NCOA6: variants seen among roughly 807,000 people sequenced by gnomAD.
The protein encoded by NCOA6 is NRC RAP250.
NCOA6 carries 49 observed loss-of-function variants against 171.4 expected under a neutral mutation model. That is an observed-to-expected ratio of 0.29 (90% confidence interval 0.23 to 0.36). The LOEUF (loss-of-function observed/expected upper bound fraction) is 0.36, where lower values mean the gene tolerates loss of function less well. NCOA6 is among the 10% of genes least tolerant of loss of function. NCOA6 has a pLI of 1.00. For synonymous variants in NCOA6, 910 were observed against 927.5 expected (o/e 0.98, Z 0.34); for missense variants, 2,248 against 2,554.5 (o/e 0.88, Z 2.59).
At chr20:34,823,910 C>G (rs2079080433) in intron 1 of NCOA6, among the ~76,000 whole-genome samples, 2 of 152,132 alleles carry the variant, frequency 1.3e-5, no homozygotes, top group Non-Finnish European at 2.9e-5. Flanking sequence ...CTGCCAGCTC[C>G]TGGGCTCAAG....
chr20:34,814,484 T>C (rs1341435381), intron 1 of NCOA6, among the ~76,000 whole-genome samples: 1 of 152,162 alleles, frequency 6.6e-6, no homozygotes, highest in African/African-American at 2.4e-5. Flanking sequence ...CGTCAATATA[T>C]TGCCAAATGA....
chr20:34,724,851 C>T (rs1461685290), intron 14 of NCOA6, among the ~76,000 whole-genome samples: 1 of 151,146 alleles, frequency 6.6e-6, no homozygotes, highest in Non-Finnish European at 1.5e-5. Flanking sequence ...CACAATGACG[C>T]GATCTTGGCT....
At chr20:34,796,919 T>G (rs1224038743) in intron 1 of NCOA6, among the ~76,000 whole-genome samples, 1 of 152,170 alleles carries the variant, frequency 6.6e-6, no homozygotes, top group Non-Finnish European at 1.5e-5. Flanking sequence ...TTGAATAATG[T>G]TTTTCTTTTG....
At chr20:34,728,631 C>T (rs1045978277) in intron 13 of NCOA6, among the ~76,000 whole-genome samples, 1 of 152,172 alleles carries the variant, frequency 6.6e-6, no homozygotes, top group Non-Finnish European at 1.5e-5. Flanking sequence ...AATCCCACTT[C>T]TAGGTGCCTA....
rs745927352 is a variant in NCOA6, at chr20:34,782,250, C to T, written c.106G>A (p.Asp36Asn). Residue 36 changes from aspartate (D) to asparagine (N), a missense_variant, in exon 3 of 15, where the codon GAC becomes AAC. Physicochemically the swap from Asp to Asn is conservative, Grantham distance 23 (BLOSUM62 1). Transcript: ENST00000359003. ...TCCAAAATACTATCACTTTTTGTGT[C>T]ATCATCTTCTAGTCCAGAGTCAAAA... The part of the protein sequence containing the change: ...MDFDSGLEDD[D>N]TKSDSILEDS... The T allele has an allele frequency of 8.5e-5, 137 of 1,612,488 alleles. 2 individuals are homozygous for T. In the South Asian group the frequency reaches 1.5e-3, roughly 17 times the overall value.
intron 1 of NCOA6, among the ~76,000 whole-genome samples, chr20:34,801,419 G>A (rs1048724622): frequency 2.0e-5 from 3 of 151,980 alleles, no homozygotes; most frequent in Admixed American, 1.3e-4. Context: ...CTGCCTTTTT[G>A]AAAAGATAAA....
Position 34,746,910 on chromosome 20 carries a change from TG to T in NCOA6, c.2810del (p.Pro937GlnfsTer97). On this transcript the variant is annotated frameshift_variant, in exon 10 of 15. Transcript: ENST00000359003. LOFTEE classifies it high-confidence loss of function. ...QQDLNTPDTR[P>X]AGLEEADQPP... ...GCTGATCAGCCTCTTCCAGACCAGC[TG>T]GGCGAGTATCTGGGGTGCTAAAAAA... 1 of 1,499,444 alleles carries T rather than the reference TG, an allele frequency of 6.7e-7. No homozygotes were observed. The allele number at this position is 1,499,444 out of a possible 1,614,324, so 92.9% of individuals were successfully genotyped here. A position where few individuals can be genotyped will look rare whatever the true frequency, so the allele number is the denominator to read the frequency against.
rs80327910 is a variant in NCOA6, at chr20:34,755,319, T to C, written c.1529-451A>G. Among the ~76,000 whole-genome samples the C allele has an allele frequency of 2.6e-3, 400 of 152,348 alleles. 12 individuals are homozygous for C. The East Asian group carries it at 0.06, about 23-fold the overall frequency. On this transcript the variant is annotated intron_variant, in intron 7 of 14. Transcript: ENST00000359003. Reference sequence around the variant, plus strand: ...AAGAGATGGGTCCTGATATTAAGGATAGATTGATTATTTTTCCTTTGAGGG... The same window carrying C: ...AAGAGATGGGTCCTGATATTAAGGACAGATTGATTATTTTTCCTTTGAGGG...
At position 34,817,213 on chromosome 20, in the gene NCOA6, A is replaced by T. The variant is rs564079921; in HGVS notation, c.-164+8259T>A. Among the ~76,000 whole-genome samples the T allele has an allele frequency of 4.7e-5, 7 of 149,128 alleles. 1 individual carries two copies. Among genetic ancestry groups the T allele is most frequent in the Non-Finnish European group, 1.0e-4 (7 of 66,974 alleles). Reference sequence around the variant, plus strand: ...GATATTCAACAGATTCAATATCAGTAAAGGAGCTGATTAATGGGAACTTTT... The same window carrying T: ...GATATTCAACAGATTCAATATCAGTTAAGGAGCTGATTAATGGGAACTTTT... On this transcript the variant is annotated intron_variant, in intron 1 of 14. Coordinates refer to ENST00000359003, the MANE Select transcript of NCOA6 (RefSeq NM_014071.5).
intron 1 of NCOA6, among the ~76,000 whole-genome samples, chr20:34,822,055 C>G (rs971691843): frequency 1.3e-5 from 2 of 152,082 alleles, no homozygotes; most frequent in Non-Finnish European, 2.9e-5. Context: ...TCTAACTCTG[C>G]TCAGTGCCCA....
chr20:34,770,910 A>G (rs994296264), intron 4 of NCOA6, among the ~76,000 whole-genome samples: 36 of 151,854 alleles, frequency 2.4e-4, no homozygotes, highest in Non-Finnish European at 5.2e-4. Context: ...GATTACAGGC[A>G]TGAGCCACCG....
At chr20:34,731,808 G>C (rs2145389499) in intron 13 of NCOA6, among the ~76,000 whole-genome samples, 1 of 152,302 alleles carries the variant, frequency 6.6e-6, no homozygotes, top group South Asian at 2.1e-4. Context: ...ATCACTTGAG[G>C]TCAGGAGTTC....
intron 2 of NCOA6, among the ~76,000 whole-genome samples, chr20:34,788,092 C>T (rs1321862819): frequency 3.3e-5 from 5 of 152,120 alleles, no homozygotes; most frequent in African/African-American, 9.7e-5. Flanking sequence ...GTCTCGAACT[C>T]CTGAGCTCAA....
At chr20:34,781,149 A>G (rs2077505622) in intron 3 of NCOA6, among the ~76,000 whole-genome samples, 1 of 152,230 alleles carries the variant, frequency 6.6e-6, no homozygotes, top group Non-Finnish European at 1.5e-5. Flanking sequence ...TAAATAACGC[A>G]TAACTATGGA....
At chr20:34,769,545 G>C (rs1322174751) in intron 4 of NCOA6, among the ~76,000 whole-genome samples, 1 of 151,996 alleles carries the variant, frequency 6.6e-6, no homozygotes, top group African/African-American at 2.4e-5. Flanking sequence ...TGCATTTTTA[G>C]TAGAGACGGG....
chr20:34,717,668 T>C (rs1234800569), intron 14 of NCOA6, among the ~76,000 whole-genome samples: 4 of 152,214 alleles, frequency 2.6e-5, no homozygotes, highest in Admixed American at 6.5e-5. Flanking sequence ...AGGATGTTAA[T>C]AATGGTGTTC....
chr20:34,778,155 G>A (rs1006461987), intron 3 of NCOA6, among the ~76,000 whole-genome samples: 1 of 152,114 alleles, frequency 6.6e-6, no homozygotes, highest in African/African-American at 2.4e-5. Flanking sequence ...GCCCGCCTCG[G>A]CCTCCCGAAG....
At position 34,754,899 on chromosome 20, in the gene NCOA6, C is replaced by T. The variant is rs777778824; in HGVS notation, c.1529-31G>A. On this transcript the variant is annotated intron_variant, in intron 7 of 14. Transcript: ENST00000359003. ...TAGAAAACAATGAGTAAGGCAGTTACCTAGCAAATTTATACTCTTGCTTAG... is the reference window on the plus strand; with the variant it reads ...TAGAAAACAATGAGTAAGGCAGTTATCTAGCAAATTTATACTCTTGCTTAG... 4.3e-6 allele frequency: 7 copies of T among 1,609,936 alleles called. No homozygotes were observed. In the African/African-American group the frequency reaches 5.3e-5, roughly 12 times the overall value.
intron 4 of NCOA6, among the ~76,000 whole-genome samples, chr20:34,772,328 A>G (rs2077175380): frequency 6.6e-6 from 1 of 151,976 alleles, no homozygotes; most frequent in South Asian, 2.1e-4. Context: ...AAAAAAAAAA[A>G]GTGTCCTAAT....
Sources: allele counts gnomAD v4.1 joint callset (sites outside exome capture counted in the v4.1 genomes callset), GRCh38; gene constraint gnomAD v4.1.1; transcripts MANE v1.5; gene names NCBI Gene and HGNC (gene_info 2026-07-23, HGNC 2026-07-21).